Variants in MIER1 observed in about 807,000 individuals in gnomAD.
MIER1 encodes the protein MIER1 transcriptional regulator, also known as mesoderm induction early response protein 1.
In MIER1, 40 loss-of-function variants were observed where a neutral mutation model predicts 75.7. The ratio of observed to expected loss-of-function variants is 0.53; its 90% CI spans 0.41 to 0.69. The LOEUF is 0.69. Among genes scored for constraint, MIER1 ranks in the 30% least tolerant of loss-of-function variants. The pLI is 0.00. For synonymous variants in MIER1, 213 were observed against 223.4 expected (o/e 0.95, Z 0.42); for missense variants, 574 against 680.2 (o/e 0.84, Z 1.74).
At chr1:66,962,500 G>A (rs1447547892) in intron 7 of MIER1, among the ~76,000 whole-genome samples, 2 of 152,002 alleles carry the variant, frequency 1.3e-5, no homozygotes, top group African/African-American at 2.4e-5. Context: ...GTTTGGGGTG[G>A]GACCTGAGCA....
chr1:66,979,774 T>C (rs889832542), intron 12 of MIER1, among the ~76,000 whole-genome samples: 6 of 152,118 alleles, frequency 3.9e-5, no homozygotes, highest in Admixed American at 1.3e-4. Flanking sequence ...TTTTTTTTTT[T>C]TTTTAAAGAC....
intron 3 of MIER1, among the ~76,000 whole-genome samples, chr1:66,945,751 T>C (rs1323868714): frequency 1.3e-5 from 2 of 152,050 alleles, no homozygotes; most frequent in Non-Finnish European, 2.9e-5. Flanking sequence ...CCCAGCTACT[T>C]TGGAGGCTGA....
At chr1:66,959,781 T>A in intron 7 of MIER1, 38 bp downstream of exon 7, 2 of 1,052,662 alleles carry the variant, frequency 1.9e-6, no homozygotes, top group South Asian at 1.9e-5. Context: ...TTAGATAAAT[T>A]AATATTTTTT....
At chr1:66,935,986 G>A (rs1654724400) in intron 2 of MIER1, among the ~76,000 whole-genome samples, 1 of 152,004 alleles carries the variant, frequency 6.6e-6, no homozygotes, top group East Asian at 1.9e-4. Flanking sequence ...CTTTGTGGTA[G>A]TGAATGTTTT....
At chr1:66,951,273 C>T (rs564223064) in intron 4 of MIER1, among the ~76,000 whole-genome samples, 5 of 152,224 alleles carry the variant, frequency 3.3e-5, no homozygotes, top group African/African-American at 4.8e-5. Context: ...GGACTGTAGG[C>T]GTGCACCACT....
chr1:66,978,109 T>C (rs1395309168), intron 12 of MIER1, among the ~76,000 whole-genome samples: 1 of 151,726 alleles, frequency 6.6e-6, no homozygotes, highest in Non-Finnish European at 1.5e-5. Context: ...GGCAGAAGAA[T>C]TGCTTGAACC....
chr1:66,938,699 A>G (rs1025698190), intron 2 of MIER1, among the ~76,000 whole-genome samples: 1 of 152,130 alleles, frequency 6.6e-6, no homozygotes, highest in African/African-American at 2.4e-5. Context: ...GTAGCACTGT[A>G]TTGACTGTGT....
chr1:66,965,254 G>T (rs376243169), intron 8 of MIER1, among the ~76,000 whole-genome samples: 1 of 151,976 alleles, frequency 6.6e-6, no homozygotes, highest in Non-Finnish European at 1.5e-5. Flanking sequence ...TGCTTTACTC[G>T]TATAGTAGTT....
chr1:66,982,503 G>T (rs1300837368), intron 13 of MIER1, among the ~76,000 whole-genome samples: 1 of 152,178 alleles, frequency 6.6e-6, no homozygotes, highest in African/African-American at 2.4e-5. Context: ...ATATACAGTG[G>T]ACCAGAGATC....
chr1:66,971,629 CA>C, intron 9 of MIER1, 25 bp from the exon 10 acceptor site: 1 of 1,148,028 alleles, frequency 8.7e-7, no homozygotes, highest in African/African-American at 1.6e-5. Flanking sequence ...GTCCTTGTCA[CA>C]TATTCAAGCC....
At chr1:66,983,758 C>G (rs558553262) in intron 13 of MIER1, among the ~76,000 whole-genome samples, 2 of 152,104 alleles carry the variant, frequency 1.3e-5, no homozygotes, top group South Asian at 4.1e-4. Flanking sequence ...GACAGAGTCT[C>G]GCTTTGTCGC....
Position 66,958,183 on chromosome 1 carries a change from A to G in MIER1, c.464A>G (p.Asp155Gly). Residue 155 changes from aspartate to glycine, a missense_variant, in exon 5 of 14, where the codon GAT (aspartate) becomes GGT (glycine). By Grantham distance (94) the Asp-to-Gly change is moderately conservative. Around this residue, in one of 3 missense-constraint regions of MIER1, gnomAD observed 309 missense variants for 352.8 expected, o/e 0.88. Coordinates refer to ENST00000401041, the MANE Select transcript of MIER1 (RefSeq NM_001077700.3). Reference sequence around the variant, plus strand: ...GAAGGTGAAGATGATGAAGATGCTGATAATGATGACAACAGTGGCTGTAGT... The same window carrying G: ...GAAGGTGAAGATGATGAAGATGCTGGTAATGATGACAACAGTGGCTGTAGT... Reference protein sequence around the residue: ...EEEGEDDEDADNDDNSGCSGE... With the variant: ...EEEGEDDEDAGNDDNSGCSGE... 6.2e-7 allele frequency: 1 copy of G among 1,605,040 alleles called. No homozygotes were observed. Among genetic ancestry groups the G allele is most frequent in the Non-Finnish European group, 8.5e-7 (1 of 1,171,938 alleles).
Position 66,939,497 on chromosome 1 carries a change from T to C in MIER1, c.169-531T>C, listed in dbSNP as rs1570152285. Among the ~76,000 whole-genome samples the C allele has an allele frequency of 2.0e-5, 3 of 152,290 alleles. No individual in the cohort carries two copies. In the South Asian group the frequency reaches 6.2e-4, roughly 32 times the overall value. ...AACTTAAAAATATATTGTTTATCTG[T>C]AAAGTTAACCTAATATAGTATTTGG... On this transcript the variant is annotated intron_variant, in intron 2 of 13. Coordinates refer to ENST00000401041, the MANE Select transcript of MIER1 (RefSeq NM_001077700.3).
chr1:66,929,048 T>C (rs1652480625), intron 2 of MIER1: 2 of 836,998 alleles, frequency 2.4e-6, no homozygotes, highest in East Asian at 5.2e-5. Flanking sequence ...CATAACAGTT[T>C]CAAATTAACA....
chr1:66,959,361 AG>A (rs1193707944), intron 6 of MIER1, among the ~76,000 whole-genome samples: 1 of 152,204 alleles, frequency 6.6e-6, no homozygotes, highest in African/African-American at 2.4e-5. Flanking sequence ...TTTAAAAGGA[AG>A]AAAAACACTT....
rs1403164702 is a variant in MIER1, at chr1:66,982,430, CAAGAAAAAGAG to C, written c.1369+522_1369+532del. Among the ~76,000 whole-genome samples, 5 of 151,952 alleles carry C rather than the reference CAAGAAAAAGAG, an allele frequency of 3.3e-5. No individual in the cohort carries two copies. In the South Asian group the frequency reaches 1.0e-3, roughly 32 times the overall value. ...CTACAGAAATATTTGTTTTTCTCTCCAAGAAAAAGAGAAGAAAAAGGCATACCAATTGTTTG... is the reference window on the plus strand; with the variant it reads ...CTACAGAAATATTTGTTTTTCTCTCCAAGAAAAAGGCATACCAATTGTTTG... On this transcript the variant is annotated intron_variant, in intron 13 of 13. Transcript: ENST00000401041.
intron 12 of MIER1, among the ~76,000 whole-genome samples, chr1:66,977,597 C>A (rs1047022916): frequency 6.6e-6 from 1 of 151,954 alleles, no homozygotes; most frequent in African/African-American, 2.4e-5. Context: ...CTAATTTATT[C>A]CCATGTTAAG....
At chr1:66,971,184 T>C (rs533143811) in intron 9 of MIER1, among the ~76,000 whole-genome samples, 70 of 152,248 alleles carry the variant, frequency 4.6e-4, no homozygotes, top group African/African-American at 1.7e-3. Flanking sequence ...GTATATACTT[T>C]TCATTAGGCT....
chr1:66,963,163 G>A lies in MIER1; in HGVS notation c.772+3G>A, dbSNP rs1194859043. 4 of 1,592,748 alleles carry A rather than the reference G, an allele frequency of 2.5e-6. No individual in the cohort carries two copies. The highest frequency in any genetic ancestry group is 2.2e-5 in the South Asian group (2 of 90,542). On this transcript the variant is annotated splice_donor_region_variant and intron_variant, in intron 8 of 13. Coordinates refer to ENST00000401041, the MANE Select transcript of MIER1 (RefSeq NM_001077700.3). ...TAGATACAAAGAAAATGAAAAAGGT[G>A]GGTTATTAGTAAAGTTACGTAGCTG...
Sources: allele counts gnomAD v4.1 joint callset (sites outside exome capture counted in the v4.1 genomes callset), GRCh38; gene constraint gnomAD v4.1.1; regional missense constraint gnomAD v4.1.1; transcripts MANE v1.5; gene names NCBI Gene and HGNC (gene_info 2026-07-23, HGNC 2026-07-21).